HS6ST3: variants seen among roughly 807,000 people sequenced by gnomAD.
HS6ST3 encodes heparan-sulfate 6-O-sulfotransferase 3.
A neutral mutation model predicts 36.7 loss-of-function variants in HS6ST3; 12 were observed. The observed-to-expected ratio is 0.33, with a 90% CI of 0.21 to 0.53. The LOEUF is 0.53. Ranked by LOEUF, HS6ST3 falls within the 20% of genes least tolerant of loss-of-function variation. The pLI, the probability that HS6ST3 is intolerant of heterozygous loss-of-function variation, is 0.95. For missense variants in HS6ST3, 584 were observed against 640.9 expected, an observed-to-expected ratio of 0.91 and a Z score of 0.96; for synonymous variants, 240 against 257.5, an observed-to-expected ratio of 0.93 and a Z score of 0.65.
At chr13:96,575,723 T>C (rs1009162327) in intron 1 of HS6ST3, among the ~76,000 whole-genome samples, 2 of 152,232 alleles carry the variant, frequency 1.3e-5, no homozygotes, top group Non-Finnish European at 2.9e-5. Flanking sequence ...TTTCCCCTTT[T>C]TATTGTTGCT....
intron 1 of HS6ST3, among the ~76,000 whole-genome samples, chr13:96,649,436 A>G (rs1196437412): frequency 6.6e-6 from 1 of 152,076 alleles, no homozygotes; most frequent in East Asian, 1.9e-4. Context: ...GTTTATGGGA[A>G]CTACAATTCA....
chr13:96,780,433 T>C (rs1157753051), intron 1 of HS6ST3, among the ~76,000 whole-genome samples: 1 of 152,192 alleles, frequency 6.6e-6, no homozygotes, highest in African/African-American at 2.4e-5. Context: ...CTCCATATCC[T>C]GGGGTAGGGA....
At chr13:96,226,171 C>G (rs951520502) in intron 1 of HS6ST3, among the ~76,000 whole-genome samples, 2 of 152,112 alleles carry the variant, frequency 1.3e-5, no homozygotes, top group South Asian at 4.1e-4. Context: ...AAACAACCAA[C>G]CAATAGATTT....
chr13:96,672,211 T>C (rs1200445460), intron 1 of HS6ST3, among the ~76,000 whole-genome samples: 1 of 152,208 alleles, frequency 6.6e-6, no homozygotes, highest in African/African-American at 2.4e-5. Flanking sequence ...TACAGATGTA[T>C]TACCAAATGG....
At chr13:96,539,156 G>A (rs746642213) in intron 1 of HS6ST3, among the ~76,000 whole-genome samples, 1 of 152,152 alleles carries the variant, frequency 6.6e-6, no homozygotes, top group Non-Finnish European at 1.5e-5. Flanking sequence ...GGCCATACTG[G>A]TTAGAAATAG....
intron 1 of HS6ST3, among the ~76,000 whole-genome samples, chr13:96,326,328 TC>T (rs1443231031): frequency 1.9e-5 from 1 of 53,656 alleles, no homozygotes; most frequent in Non-Finnish European, 3.4e-5. Context: ...CCCTCCCCCC[TC>T]CCCCCACCCC....
chr13:96,290,735 C>T (rs1397979595), intron 1 of HS6ST3, among the ~76,000 whole-genome samples: 1 of 152,130 alleles, frequency 6.6e-6, no homozygotes, highest in African/African-American at 2.4e-5. Context: ...TGGCTCAGAA[C>T]CCACCTATGG....
At chr13:96,826,728 C>T (rs1159095394) in intron 1 of HS6ST3, among the ~76,000 whole-genome samples, 5 of 152,132 alleles carry the variant, frequency 3.3e-5, no homozygotes, top group East Asian at 3.8e-4. Flanking sequence ...GATTTTTTAA[C>T]GTGATCGCCT....
chr13:96,447,414 G>A (rs753771652), intron 1 of HS6ST3, among the ~76,000 whole-genome samples: 1 of 152,104 alleles, frequency 6.6e-6, no homozygotes, highest in East Asian at 1.9e-4. Context: ...AATTATTTTC[G>A]GCAGATAGTT....
At chr13:96,239,967 C>T (rs1330328713) in intron 1 of HS6ST3, among the ~76,000 whole-genome samples, 4 of 152,042 alleles carry the variant, frequency 2.6e-5, no homozygotes, top group East Asian at 3.9e-4. Context: ...TATGTTTAGT[C>T]ACTTTGGAAT....
intron 1 of HS6ST3, chr13:96,574,345 C>T: frequency 2.5e-6 from 1 of 400,076 alleles, no homozygotes; most frequent in Non-Finnish European, 4.9e-6. Context: ...GGAAAGGTAG[C>T]TTTAAGGATC....
In HS6ST3 at chr13:96,839,187, G is replaced by T. The variant is rs187201753; in HGVS notation, c.*5989G>T. The stretch of plus-strand genomic sequence containing the variant: ...TCTTCCACCTCCTTGACATTTATTT[G>T]TTAATCATATGATCATTTTTTTTTC... On this transcript the variant is annotated 3_prime_UTR_variant, in exon 2 of 2. Coordinates refer to ENST00000376705, the MANE Select transcript of HS6ST3 (RefSeq NM_153456.4). The T allele has an allele frequency of 4.6e-5, 7 of 152,096 alleles. No individual in the cohort carries two copies. The highest frequency in any genetic ancestry group is 1.7e-4 in the African/African-American group (7 of 41,504). 9.4% of individuals were successfully genotyped at this position (152,096 alleles called of 1,614,324 possible). A position where few individuals can be genotyped will look rare whatever the true frequency, so the allele number is the denominator to read the frequency against.
chr13:96,335,073 C>T (rs958628746), intron 1 of HS6ST3, among the ~76,000 whole-genome samples: 3 of 152,038 alleles, frequency 2.0e-5, no homozygotes, highest in Non-Finnish European at 4.4e-5. Context: ...TCTTGACCTC[C>T]CATGGAGGCT....
intron 1 of HS6ST3, among the ~76,000 whole-genome samples, chr13:96,612,510 C>T (rs184063700): frequency 6.6e-6 from 1 of 152,218 alleles, no homozygotes; most frequent in East Asian, 1.9e-4. Flanking sequence ...AAGCTTTTCA[C>T]CCTAATCCCA....
chr13:96,685,274 A>G (rs1432356068), intron 1 of HS6ST3, among the ~76,000 whole-genome samples: 1 of 152,128 alleles, frequency 6.6e-6, no homozygotes, highest in Non-Finnish European at 1.5e-5. Context: ...ATTTATGTGC[A>G]GATAGCTTAT....
chr13:96,575,630 C>T (rs772116930), intron 1 of HS6ST3, among the ~76,000 whole-genome samples: 6 of 152,232 alleles, frequency 3.9e-5, no homozygotes, highest in Non-Finnish European at 4.4e-5. Context: ...GCTTGCCTAA[C>T]AGGTTTGGAA....
chr13:96,718,430 C>G (rs993715399), intron 1 of HS6ST3, among the ~76,000 whole-genome samples: 2 of 152,156 alleles, frequency 1.3e-5, no homozygotes, highest in Non-Finnish European at 2.9e-5. Context: ...CCAACTGTGA[C>G]TCCTTTTCAG....
At chr13:96,188,953 A>G (rs2139344385) in intron 1 of HS6ST3, among the ~76,000 whole-genome samples, 1 of 152,296 alleles carries the variant, frequency 6.6e-6, no homozygotes, top group African/African-American at 2.4e-5. Flanking sequence ...GTCACATCAT[A>G]GAAAATATGT....
intron 1 of HS6ST3, among the ~76,000 whole-genome samples, chr13:96,757,382 A>G (rs1566446322): frequency 1.3e-5 from 2 of 152,176 alleles, no homozygotes; most frequent in East Asian, 1.9e-4. Context: ...CACATATATT[A>G]TTTCTAGTAG....
Sources: allele counts gnomAD v4.1 joint callset (sites outside exome capture counted in the v4.1 genomes callset), GRCh38; gene constraint gnomAD v4.1.1; transcripts MANE v1.5; gene names NCBI Gene and HGNC (gene_info 2026-07-23, HGNC 2026-07-21).